Variants in RFX3 observed in about 807,000 individuals in gnomAD.
RFX3 encodes the protein regulatory factor X3, also known as transcription factor RFX3.
RFX3 carries 14 observed loss-of-function variants against 98.6 expected under a neutral mutation model. The observed-to-expected ratio is 0.14, with a 90% confidence interval of 0.09 to 0.22. RFX3 has a LOEUF of 0.22. Ranked by LOEUF, RFX3 falls within the 10% of genes least tolerant of loss-of-function variation. The probability of loss-of-function intolerance (pLI) is 1.00; values close to 1 mark genes in which losing one functional copy is unlikely to be tolerated. For missense variants in RFX3, 639 were observed against 926.9 expected, an observed-to-expected ratio of 0.69 and a Z score of 4.03; for synonymous variants, 383 against 328.4, an observed-to-expected ratio of 1.17 and a Z score of -1.80.
At chr9:3,284,391 T>C (rs1157926496) in intron 7 of RFX3, among the ~76,000 whole-genome samples, 3 of 151,882 alleles carry the variant, frequency 2.0e-5, no homozygotes, top group Admixed American at 2.0e-4. Flanking sequence ...CAAATTAGTC[T>C]ATGAGTGCAT....
Position 3,367,618 on chromosome 9 carries a change from T to C in RFX3, c.118-20854A>G, listed in dbSNP as rs188374389. Reference sequence around the variant, plus strand: ...GAGTCCAAAGGAATTGTTACCAACATTTTACACCTCCATGGGTTTTCAGAA... The same window carrying C: ...GAGTCCAAAGGAATTGTTACCAACACTTTACACCTCCATGGGTTTTCAGAA... On this transcript the variant is annotated intron_variant, in intron 2 of 16. Transcript: ENST00000617270. Among the ~76,000 whole-genome samples the C allele has an allele frequency of 6.0e-3, 907 of 152,266 alleles. 20 individuals are homozygous for C. The highest frequency in any genetic ancestry group is 4.3e-3 in the Non-Finnish European group (292 of 68,006).
intron 1 of RFX3, among the ~76,000 whole-genome samples, chr9:3,417,799 T>A (rs1335765169): frequency 6.6e-6 from 1 of 152,122 alleles, no homozygotes; most frequent in East Asian, 1.9e-4. Flanking sequence ...ATTCTAGAAA[T>A]CCTTCTAAAA....
At chr9:3,518,176 T>C (rs1007055265) in intron 1 of RFX3, among the ~76,000 whole-genome samples, 2 of 152,194 alleles carry the variant, frequency 1.3e-5, no homozygotes, top group Non-Finnish European at 2.9e-5. Context: ...GTACACTCTA[T>C]GATGTTCACA....
intron 1 of RFX3, chr9:3,452,310 GC>G: frequency 4.1e-6 from 1 of 244,182 alleles, no homozygotes; most frequent in Non-Finnish European, 8.8e-6. Context: ...ACAACTAATG[GC>G]CAGGCACATT....
intron 11 of RFX3, among the ~76,000 whole-genome samples, chr9:3,267,821 T>C (rs764867022): frequency 2.6e-5 from 4 of 151,926 alleles, no homozygotes; most frequent in Non-Finnish European, 4.4e-5. Context: ...AAAAAATTAA[T>C]AATCCCTTTT....
At chr9:3,397,605 A>G (rs1053915053) in intron 1 of RFX3, among the ~76,000 whole-genome samples, 13 of 152,196 alleles carry the variant, frequency 8.5e-5, no homozygotes, top group Non-Finnish European at 1.8e-4. Context: ...GACTTGTTCA[A>G]GGTGACAGGA....
chr9:3,338,274 T>C (rs561602976), intron 3 of RFX3, among the ~76,000 whole-genome samples: 1 of 152,362 alleles, frequency 6.6e-6, no homozygotes, highest in South Asian at 2.1e-4. Flanking sequence ...TCTAACTTCA[T>C]CTGCTATAAC....
rs535667714 is a variant in RFX3, at chr9:3,495,967, A to G, written c.-9+29780T>C. On this transcript the variant is annotated intron_variant, in intron 1 of 16. Transcript: ENST00000617270. ...TATTTTGTAAATCAATGATGAGCAC[A>G]TTAAATAGCTTTAAGGGGTGGGCCA... is the stretch of plus-strand genomic sequence containing the variant. 5.9e-5 allele frequency among the ~76,000 whole-genome samples: 9 copies of G among 152,186 alleles called. No homozygotes were observed. In the South Asian group the frequency reaches 1.9e-3, roughly 32 times the overall value.
At chr9:3,277,634 A>G (rs1242161387) in intron 7 of RFX3, among the ~76,000 whole-genome samples, 173 bp from the exon 8 acceptor site, 2 of 151,778 alleles carry the variant, frequency 1.3e-5, no homozygotes, top group Non-Finnish European at 2.9e-5. Context: ...ATTTTTTTCA[A>G]TTGTGAAAAG....
chr9:3,403,014 T>C (rs1031285211), intron 1 of RFX3, among the ~76,000 whole-genome samples: 4 of 152,050 alleles, frequency 2.6e-5, no homozygotes, highest in Non-Finnish European at 4.4e-5. Context: ...ATGTTACACA[T>C]ATATATGTAT....
At chr9:3,269,721 G>A (rs1186560274) in intron 11 of RFX3, among the ~76,000 whole-genome samples, 2 of 152,124 alleles carry the variant, frequency 1.3e-5, no homozygotes, top group East Asian at 3.8e-4. Context: ...TACAATGCTT[G>A]TGTAGTTACA....
At chr9:3,240,191 C>T (rs559180321) in intron 15 of RFX3, among the ~76,000 whole-genome samples, 3 of 152,296 alleles carry the variant, frequency 2.0e-5, no homozygotes, top group Non-Finnish European at 4.4e-5. Context: ...AAGTTGTTAT[C>T]AAGACATATT....
intron 3 of RFX3, among the ~76,000 whole-genome samples, chr9:3,340,631 T>C (rs375215069): frequency 1.9e-4 from 29 of 152,266 alleles, no homozygotes; most frequent in African/African-American, 4.1e-4. Context: ...GACATTTATG[T>C]AGCCAAAAGA....
intron 2 of RFX3, among the ~76,000 whole-genome samples, chr9:3,389,901 T>G (rs1302607454): frequency 1.3e-5 from 2 of 152,168 alleles, no homozygotes; most frequent in Non-Finnish European, 2.9e-5. Context: ...AGTAAGATCT[T>G]GCTATTCTTT....
intron 15 of RFX3, among the ~76,000 whole-genome samples, chr9:3,236,784 C>G (rs1174815611): frequency 6.6e-6 from 1 of 152,188 alleles, no homozygotes; most frequent in Non-Finnish European, 1.5e-5. Context: ...GAAAAGACTA[C>G]TCACTTGAGG....
intron 5 of RFX3, among the ~76,000 whole-genome samples, chr9:3,294,625 A>T (rs1827781143): frequency 6.6e-6 from 1 of 152,176 alleles, no homozygotes; most frequent in Admixed American, 6.5e-5. Context: ...AAAATTCATT[A>T]AAAATATTTT....
intron 1 of RFX3, among the ~76,000 whole-genome samples, chr9:3,427,277 TA>T (rs1844155114): frequency 2.1e-5 from 3 of 143,330 alleles, no homozygotes; most frequent in Non-Finnish European, 4.6e-5. Context: ...TATATTTTAT[TA>T]TATAATACTA....
chr9:3,321,735 C>G (rs941157867), intron 4 of RFX3, among the ~76,000 whole-genome samples: 2 of 152,118 alleles, frequency 1.3e-5, no homozygotes, highest in Admixed American at 6.6e-5. Context: ...CTTATAGCTT[C>G]TGGATTTTAT....
At chr9:3,251,461 T>A (rs1312279996) in intron 14 of RFX3, among the ~76,000 whole-genome samples, 2 of 152,052 alleles carry the variant, frequency 1.3e-5, no homozygotes, top group Admixed American at 6.6e-5. Context: ...GATCTTACGC[T>A]CCTCACCTCC....
Sources: allele counts gnomAD v4.1 joint callset (sites outside exome capture counted in the v4.1 genomes callset), GRCh38; gene constraint gnomAD v4.1.1; transcripts MANE v1.5; gene names NCBI Gene and HGNC (gene_info 2026-07-23, HGNC 2026-07-21).